The following LRRTM4 variants were observed in gnomAD, a reference collection of about 807,000 sequenced individuals.
LRRTM4 encodes leucine-rich repeat transmembrane neuronal protein 4.
Under a neutral mutation model 47.6 loss-of-function variants are expected in LRRTM4, and 25 were observed. That is an observed-to-expected ratio of 0.53 (90% CI 0.38 to 0.73). The LOEUF is 0.73. Among genes scored for constraint, LRRTM4 ranks in the 30% least tolerant of loss-of-function variants. The pLI is 0.00. For synonymous variants in LRRTM4, 311 were observed against 269.5 expected (o/e 1.15, Z -1.51); for missense variants, 638 against 713.4 (o/e 0.89, Z 1.20).
intron 3 of LRRTM4, among the ~76,000 whole-genome samples, chr2:77,134,222 A>T (rs1026545275): frequency 6.6e-6 from 1 of 152,150 alleles, no homozygotes; most frequent in African/African-American, 2.4e-5. Flanking sequence ...GAAAGGTGCT[A>T]GGTCTTTCAA....
chr2:77,139,502 C>A (rs960691052), intron 3 of LRRTM4, among the ~76,000 whole-genome samples: 2 of 152,122 alleles, frequency 1.3e-5, no homozygotes, highest in African/African-American at 4.8e-5. Flanking sequence ...CTATTTATGA[C>A]AAACCCACAG....
chr2:77,099,850 A>AT (rs1482998797), intron 3 of LRRTM4, among the ~76,000 whole-genome samples: 1 of 152,108 alleles, frequency 6.6e-6, no homozygotes, highest in Non-Finnish European at 1.5e-5. Context: ...CTTGAACATA[A>AT]TTTTAAAAAT....
At chr2:77,402,276 G>T (rs1356096419) in intron 3 of LRRTM4, among the ~76,000 whole-genome samples, 1 of 151,920 alleles carries the variant, frequency 6.6e-6, no homozygotes, top group African/African-American at 2.4e-5. Context: ...CTCCTGAGGG[G>T]CTAGTAATAC....
At chr2:76,930,217 T>G (rs1188902039) in intron 3 of LRRTM4, among the ~76,000 whole-genome samples, 1 of 152,128 alleles carries the variant, frequency 6.6e-6, no homozygotes, top group Non-Finnish European at 1.5e-5. Context: ...TGCAACTCTA[T>G]TACTGTGATT....
chr2:76,788,085 A>C (rs989288165), intron 3 of LRRTM4, among the ~76,000 whole-genome samples: 1 of 152,154 alleles, frequency 6.6e-6, no homozygotes, highest in African/African-American at 2.4e-5. Flanking sequence ...TTGTTAGGAG[A>C]CAGCATTCTT....
At chr2:77,159,674 C>A (rs1672657241) in intron 3 of LRRTM4, among the ~76,000 whole-genome samples, 1 of 151,824 alleles carries the variant, frequency 6.6e-6, no homozygotes, top group African/African-American at 2.4e-5. Context: ...AGGGTTTGGT[C>A]TTGCAGTCTC....
At chr2:77,343,870 A>G (rs915264481) in intron 3 of LRRTM4, among the ~76,000 whole-genome samples, 4 of 151,882 alleles carry the variant, frequency 2.6e-5, no homozygotes, top group African/African-American at 9.7e-5. Flanking sequence ...TGCTATCTAA[A>G]AACAAAGAAA....
chr2:76,764,489 G>C (rs1301138869), intron 3 of LRRTM4, among the ~76,000 whole-genome samples: 1 of 152,120 alleles, frequency 6.6e-6, no homozygotes, highest in Non-Finnish European at 1.5e-5. Context: ...AAATTAGCTG[G>C]GCGTGGTGGC....
At chr2:77,205,663 C>A (rs1031923998) in intron 3 of LRRTM4, among the ~76,000 whole-genome samples, 1 of 152,116 alleles carries the variant, frequency 6.6e-6, no homozygotes, top group African/African-American at 2.4e-5. Context: ...AGCACATTCA[C>A]AGTCTGTATA....
chr2:76,799,472 A>C (rs1424937780), intron 3 of LRRTM4, among the ~76,000 whole-genome samples: 4 of 141,486 alleles, frequency 2.8e-5, no homozygotes, highest in Non-Finnish European at 6.2e-5. Context: ...AGAGCTATCT[A>C]TGACAAACCC....
chr2:77,297,955 A>C (rs992921007), intron 3 of LRRTM4, among the ~76,000 whole-genome samples: 1 of 152,194 alleles, frequency 6.6e-6, no homozygotes, highest in Non-Finnish European at 1.5e-5. Context: ...TTCCAAAGAA[A>C]ATTTATATGA....
At chr2:76,784,146 G>C (rs1003961490) in intron 3 of LRRTM4, among the ~76,000 whole-genome samples, 1 of 151,818 alleles carries the variant, frequency 6.6e-6, no homozygotes, top group Non-Finnish European at 1.5e-5. Context: ...TTCAGTGGTG[G>C]CTGTAATTGT....
chr2:77,150,607 A>T (rs76727515), intron 3 of LRRTM4, among the ~76,000 whole-genome samples: 2 of 152,184 alleles, frequency 1.3e-5, no homozygotes, highest in Non-Finnish European at 2.9e-5. Context: ...TAAGACATAT[A>T]TGATATATAT....
At chr2:76,968,257 A>T (rs1292436328) in intron 3 of LRRTM4, among the ~76,000 whole-genome samples, 8 of 133,278 alleles carry the variant, frequency 6.0e-5, no homozygotes, top group East Asian at 5.4e-4. Context: ...AATTCTTTTT[A>T]AAAAAAACAA....
intron 3 of LRRTM4, among the ~76,000 whole-genome samples, chr2:77,014,564 C>T (rs1014207068): frequency 2.3e-4 from 34 of 150,354 alleles, no homozygotes; most frequent in Non-Finnish European, 4.4e-5. Context: ...GTAATCCCAG[C>T]ACTTTGGGAG....
At chr2:76,809,178 T>A (rs1670652808) in intron 3 of LRRTM4, among the ~76,000 whole-genome samples, 1 of 152,226 alleles carries the variant, frequency 6.6e-6, no homozygotes, top group African/African-American at 2.4e-5. Flanking sequence ...CAACCAGTGA[T>A]AAATAACATT....
chr2:77,185,000 T>C (rs1673461386), intron 3 of LRRTM4, among the ~76,000 whole-genome samples: 2 of 151,458 alleles, frequency 1.3e-5, no homozygotes, highest in South Asian at 4.2e-4. Flanking sequence ...ACATATTGTA[T>C]AGTATCATCT....
chr2:77,212,755 C>A (rs1463145675), intron 3 of LRRTM4, among the ~76,000 whole-genome samples: 1 of 151,964 alleles, frequency 6.6e-6, no homozygotes, highest in Non-Finnish European at 1.5e-5. Flanking sequence ...ACCTCTGAGG[C>A]AGTTAATGTA....
chr2:76,984,241 T>C (rs1044583664), intron 3 of LRRTM4, among the ~76,000 whole-genome samples: 3 of 152,078 alleles, frequency 2.0e-5, no homozygotes, highest in Admixed American at 6.6e-5. Flanking sequence ...GTTGATTTAA[T>C]AGCAATTGCT....
Sources: allele counts gnomAD v4.1 joint callset (sites outside exome capture counted in the v4.1 genomes callset), GRCh38; gene constraint gnomAD v4.1.1; transcripts MANE v1.5; gene names NCBI Gene and HGNC (gene_info 2026-07-23, HGNC 2026-07-21).